ALB: variants seen among roughly 807,000 people sequenced by gnomAD.
ALB encodes the protein albumin.
Under a neutral mutation model 74.5 loss-of-function variants are expected in ALB, and 37 were observed. The observed-to-expected ratio is 0.50, with a 90% CI of 0.38 to 0.65. The LOEUF is 0.65. Among genes scored for constraint, ALB ranks in the 30% least tolerant of loss-of-function variants. The pLI is 0.00. For missense variants in ALB, 685 were observed against 718.7 expected, an observed-to-expected ratio of 0.95 and a Z score of 0.54; for synonymous variants, 249 against 251.6, an observed-to-expected ratio of 0.99 and a Z score of 0.10.
Position 73,416,368 on chromosome 4 carries a change from T to C in ALB, c.1289+15T>C, listed in dbSNP as rs1719014628. 4 of 1,578,666 alleles carry C rather than the reference T, an allele frequency of 2.5e-6. No individual in the cohort carries two copies. The highest frequency in any genetic ancestry group is 3.5e-6 in the Non-Finnish European group (4 of 1,152,872). On this transcript the variant is annotated intron_variant, in intron 10 of 14. Transcript: ENST00000295897. ...TTCCAGAATGCGTAAGTAATTTTTA[T>C]TGACTGATTTTTTTTATCAATTTGT... is the stretch of plus-strand genomic sequence containing the variant.
Position 73,409,218 on chromosome 4 carries a change from A to G in ALB, c.483-137A>G, listed in dbSNP as rs576347002. ...CTTAAAGAATGACAGAGACAAGACCATCATGTGCAAATTGAGCTTAATTGG... is the reference window on the plus strand; with the variant it reads ...CTTAAAGAATGACAGAGACAAGACCGTCATGTGCAAATTGAGCTTAATTGG... On this transcript the variant is annotated intron_variant, in intron 4 of 14. Transcript: ENST00000295897. 1.2e-4 allele frequency: 104 copies of G among 895,426 alleles called. No homozygotes were observed. The African/African-American group carries it at 1.5e-3, about 13-fold the overall frequency. 55.5% of individuals were successfully genotyped at this position (895,426 alleles called of 1,614,324 possible). A position where few individuals can be genotyped will look rare whatever the true frequency, so the allele number is the denominator to read the frequency against.
chr4:73,413,385 T>C (rs755005073), intron 7 of ALB, 35 bp from the exon 8 acceptor site: 19 of 1,563,222 alleles, frequency 1.2e-5, no homozygotes, highest in Non-Finnish European at 1.7e-5. Flanking sequence ...GCAATGTCAA[T>C]TCGTGTTGAA....
chr4:73,418,176 T>A lies in ALB; in HGVS notation c.1517T>A (p.Val506Glu). The part of the protein sequence containing the change: ...RVTKCCTESL[V>E]NRRPCFSALE... Reference sequence around the variant, plus strand: ...ACCAAATGCTGCACAGAATCCTTGGTGAACAGGCGACCATGCTTTTCAGCT... The same window carrying A: ...ACCAAATGCTGCACAGAATCCTTGGAGAACAGGCGACCATGCTTTTCAGCT... Residue 506 changes from valine (V) to glutamate (E), a missense_variant, in exon 12 of 15, where the codon GTG becomes GAG. Transcript: ENST00000295897. The A allele has an allele frequency of 6.2e-7, 1 of 1,614,200 alleles. No homozygotes were observed. The highest frequency in any genetic ancestry group is 8.5e-7 in the Non-Finnish European group (1 of 1,180,034).
intron 6 of ALB, among the ~76,000 whole-genome samples, chr4:73,411,642 A>G (rs1718879744): frequency 6.6e-6 from 1 of 152,322 alleles, no homozygotes; most frequent in Non-Finnish European, 1.5e-5. Context: ...AAGCTCAGAG[A>G]GGCTGAGCCC....
Position 73,417,539 on chromosome 4 carries a change from T to C in ALB, c.1298T>C (p.Val433Ala). ...GEYKFQNALL[V>A]RYTKKVPQVS... is the part of the protein sequence containing the mutation. ...TGACTTCTTTTTTTCAGGCTATTAG[T>C]TCGTTACACCAAGAAAGTACCCCAA... The change falls in exon 11 of 15, where the codon GTT (valine) becomes GCT (alanine). Residue 433 changes from valine (V) to alanine (A), a missense_variant. By Grantham distance (64) the Val-to-Ala change is moderately conservative. Transcript: ENST00000295897. 6.2e-7 allele frequency: 1 copy of C among 1,614,096 alleles called. No individual in the cohort carries two copies. The highest frequency in any genetic ancestry group is 8.5e-7 in the Non-Finnish European group (1 of 1,179,992).
intron 2 of ALB, among the ~76,000 whole-genome samples, 199 bp downstream of exon 2, chr4:73,405,372 C>A (rs1036555814): frequency 3.9e-5 from 6 of 152,118 alleles, no homozygotes; most frequent in Admixed American, 2.6e-4. Context: ...TTGAGTACTT[C>A]AAATATGACA....
At chr4:73,404,451 C>G in intron 1 of ALB, 45 bp downstream of exon 1, 1 of 1,512,990 alleles carries the variant, frequency 6.6e-7, no homozygotes, top group Non-Finnish European at 9.2e-7. Flanking sequence ...TTCTATTTTC[C>G]CAGTAAAATA....
intron 4 of ALB, chr4:73,409,147 G>GTA: frequency 1.8e-6 from 1 of 560,058 alleles, no homozygotes; most frequent in Middle Eastern, 4.1e-4. Context: ...AACCATTTAT[G>GTA]CACACACACA....
In ALB at chr4:73,406,748, G is replaced by A; in HGVS notation, c.257G>A (p.Cys86Tyr). Residue 86 changes from cysteine (C) to tyrosine (Y), a missense_variant, in exon 3 of 15, where the codon TGT becomes TAT. Transcript: ENST00000295897. ...TCVADESAEN[C>Y]DKSLHTLFGD... ...GTTGCTGATGAGTCAGCTGAAAATT[G>A]TGACAAATCACTTGTAAGTACATTC... The A allele has an allele frequency of 6.2e-7, 1 of 1,613,774 alleles. No individual in the cohort carries two copies. Among genetic ancestry groups the A allele is most frequent in the Non-Finnish European group, 8.5e-7 (1 of 1,179,912 alleles).
chr4:73,415,316 GA>G (rs1287628678), intron 9 of ALB, 149 bp downstream of exon 9: 1 of 958,878 alleles, frequency 1.0e-6, no homozygotes, highest in South Asian at 1.5e-5. Flanking sequence ...AAACATGAAA[GA>G]AAAAGTAGCC....
rs780979109 is a variant in ALB at position 73,406,587 on chromosome 4, A to C, written c.138-42A>C. The C allele has an allele frequency of 1.9e-6, 3 of 1,605,326 alleles. No homozygotes were observed. The South Asian group carries it at 3.3e-5, about 18-fold the overall frequency. ...CTAGCGTAGCAACCTGTTACATATT[A>C]AAGTTTTATTATACTACATTTTTCT... On this transcript the variant is annotated intron_variant, in intron 2 of 14. Coordinates refer to ENST00000295897, the MANE Select transcript of ALB (RefSeq NM_000477.7).
rs770923558 is a variant in ALB, at chr4:73,408,732, C to T, written c.409C>T (p.Pro137Ser). The T allele has an allele frequency of 3.1e-6, 5 of 1,614,044 alleles. No homozygotes were observed. Among genetic ancestry groups the T allele is most frequent in the South Asian group, 1.1e-5 (1 of 91,080 alleles). ...LQHKDDNPNL[P>S]RLVRPEVDVM... The stretch of plus-strand genomic sequence containing the variant: ...ACACAAAGATGACAACCCAAACCTC[C>T]CCCGATTGGTGAGACCAGAGGTTGA... The change falls in exon 4 of 15, where the codon CCC becomes TCC. Residue 137 changes from proline (P) to serine (S), a missense_variant. Physicochemically the swap from Pro to Ser is moderately conservative, Grantham distance 74. Coordinates refer to ENST00000295897, the MANE Select transcript of ALB (RefSeq NM_000477.7).
intron 4 of ALB, 179 bp downstream of exon 4, chr4:73,408,984 A>G (rs773096770): frequency 3.2e-6 from 2 of 616,598 alleles, no homozygotes; most frequent in East Asian, 2.8e-5. Context: ...AGCAAAAAAT[A>G]TGATCAAAGA....
chr4:73,409,172 CTTA>C, intron 4 of ALB, 180 bp from the exon 5 acceptor site: 13 of 694,774 alleles, frequency 1.9e-5, no homozygotes, highest in African/African-American at 3.6e-5. Flanking sequence ...CACACACACA[CTTA>C]ACCCTTTTTT....
chr4:73,410,872 TC>T (rs907208238), intron 6 of ALB, among the ~76,000 whole-genome samples: 2 of 152,126 alleles, frequency 1.3e-5, no homozygotes, highest in Admixed American at 6.6e-5. Context: ...AATTTTATCT[TC>T]CCCCCAATGA....
rs1229017820 is a variant in ALB, at chr4:73,421,474, CA to C, written c.*411del. ...ATTATGATAATTCTGAATAAAAGAA[CA>C]AAAACCATGGTATAGGTAAGGAATA... On this transcript the variant is annotated 3_prime_UTR_variant, in exon 15 of 15. Coordinates refer to ENST00000295897, the MANE Select transcript of ALB (RefSeq NM_000477.7). The C allele has an allele frequency of 5.9e-6, 1 of 169,954 alleles. No individual in the cohort carries two copies. Among genetic ancestry groups the C allele is most frequent in the Non-Finnish European group, 1.2e-5 (1 of 80,272 alleles). 10.5% of individuals were successfully genotyped at this position (169,954 alleles called of 1,614,324 possible).
intron 2 of ALB, 34 bp downstream of exon 2, chr4:73,405,207 T>G (rs1410167203): frequency 6.6e-7 from 1 of 1,511,366 alleles, no homozygotes; most frequent in East Asian, 2.3e-5. Flanking sequence ...AAATTTAATG[T>G]TTCTAATAGT....
rs1430138307 is a variant in ALB, at chr4:73,419,601, T to G, written c.1747T>G (p.Cys583Gly). The part of the protein sequence containing the change: ...DDFAAFVEKC[C>G]KADDKETCFA... ...TTTCGCAGCTTTTGTAGAGAAGTGC[T>G]GCAAGGCTGACGATAAGGAGACCTG... The change falls in exon 13 of 15, where the codon TGC becomes GGC. Residue 583 changes from cysteine (C) to glycine (G), a missense_variant. Transcript: ENST00000295897. 6.2e-7 allele frequency: 1 copy of G among 1,613,948 alleles called. No individual in the cohort carries two copies. The highest frequency in any genetic ancestry group is 8.5e-7 in the Non-Finnish European group (1 of 1,179,972).
At chr4:73,409,317 C>T (rs1006918142) in intron 4 of ALB, 38 bp from the exon 5 acceptor site, 84 of 1,598,416 alleles carry the variant, frequency 5.3e-5, no homozygotes, top group Non-Finnish European at 6.9e-5. Flanking sequence ...ATATTGTCTG[C>T]TATAGAAAAG....
Sources: allele counts gnomAD v4.1 joint callset (sites outside exome capture counted in the v4.1 genomes callset), GRCh38; gene constraint gnomAD v4.1.1; transcripts MANE v1.5; gene names NCBI Gene and HGNC (gene_info 2026-07-23, HGNC 2026-07-21).